Variants in BCAS3 observed in about 807,000 individuals in gnomAD.
BCAS3 encodes BCAS3 microtubule associated cell migration factor, also known as BCAS4/BCAS3 fusion.
BCAS3 carries 53 observed loss-of-function variants against 116.1 expected under a neutral mutation model. That is an observed-to-expected ratio of 0.46 (90% CI 0.37 to 0.57). The LOEUF is 0.57. BCAS3 is among the 20% of genes least tolerant of loss of function. BCAS3 has a pLI of 0.00. For synonymous variants in BCAS3, 391 were observed against 408.2 expected, an observed-to-expected ratio of 0.96 and a Z score of 0.51; for missense variants, 917 against 1,165.4, an observed-to-expected ratio of 0.79 and a Z score of 3.10.
rs980951985 is a variant in BCAS3, at chr17:61,214,764, C to A, written c.2425+130200C>A. Among the ~76,000 whole-genome samples, 5 of 152,160 alleles carry A rather than the reference C, an allele frequency of 3.3e-5. No individual in the cohort carries two copies. Among genetic ancestry groups the A allele is most frequent in the African/African-American group, 7.2e-5 (3 of 41,442 alleles). On this transcript the variant is annotated intron_variant, in intron 22 of 23. Coordinates refer to ENST00000407086, the MANE Select transcript of BCAS3 (RefSeq NM_017679.5). The surrounding 1 kb of genome is among the most constrained non-coding windows in gnomAD (Gnocchi z 4.4). ...TATAGGGATATTTTGATGGACTGTT[C>A]TTTGGAATTAACAGGTCCACAAGCC...
intron 22 of BCAS3, chr17:61,353,938 C>T (rs369453461): frequency 6.6e-6 from 1 of 152,296 alleles, no homozygotes; most frequent in Non-Finnish European, 1.5e-5. Context: ...ACCTCCACCC[C>T]CTTAGGCTGC....
chr17:61,322,858 G>GAGAGAGAGAC, intron 22 of BCAS3, among the ~76,000 whole-genome samples: 1 of 134,202 alleles, frequency 7.5e-6, no homozygotes, highest in African/African-American at 2.9e-5. Flanking sequence ...GAGAGAGACA[G>GAGAGAGAGAC]AGAGAGAGAG....
rs546065147 is a variant in BCAS3 at position 61,050,892 on chromosome 17, C to T, written c.2029+10000C>T. ...AATCTTCTCGGCTCTAAAACAAATC[C>T]CAGTAAATTTAAAAGGTTTCAAGTC... On this transcript the variant is annotated intron_variant, in intron 19 of 23. Coordinates refer to ENST00000407086, the MANE Select transcript of BCAS3 (RefSeq NM_017679.5). Among the ~76,000 whole-genome samples the T allele has an allele frequency of 2.6e-5, 4 of 151,948 alleles. No homozygotes were observed. In the South Asian group the frequency reaches 8.3e-4, roughly 32 times the overall value.
intron 22 of BCAS3, among the ~76,000 whole-genome samples, chr17:61,359,055 G>A (rs758472278): frequency 6.6e-6 from 1 of 152,092 alleles, no homozygotes; most frequent in East Asian, 1.9e-4. Context: ...CTCACCATAC[G>A]CTTTCACTCC....
In BCAS3 at chr17:61,134,711, C is replaced by T. The variant is rs2076526579; in HGVS notation, c.2425+50147C>T. Among the ~76,000 whole-genome samples, 1 of 152,090 alleles carries T rather than the reference C, an allele frequency of 6.6e-6. No homozygotes were observed. The highest frequency in any genetic ancestry group is 6.5e-5 in the Admixed American group (1 of 15,268). ...ATTATGTAATTATATTTACAAACAC[C>T]TCATTTAACCTTCAAAACAATCCTT... is the stretch of plus-strand genomic sequence containing the variant. On this transcript the variant is annotated intron_variant, in intron 22 of 23. Transcript: ENST00000407086. This position sits in a 1 kb window ranked among gnomAD's most constrained non-coding sequence, Gnocchi z 4.6.
At chr17:61,232,665 GA>G (rs983788496) in intron 22 of BCAS3, among the ~76,000 whole-genome samples, 11 of 151,688 alleles carry the variant, frequency 7.3e-5, no homozygotes, top group Non-Finnish European at 1.3e-4. Context: ...TTCTTAAGAG[GA>G]AAAAAAATCA....
chr17:61,152,825 C>A (rs183166992), intron 22 of BCAS3, among the ~76,000 whole-genome samples: 91 of 152,220 alleles, frequency 6.0e-4, no homozygotes, highest in Non-Finnish European at 9.3e-4. Context: ...GAAAGATGTG[C>A]TTACCCCAAC....
In BCAS3 at chr17:60,930,608, A is replaced by T. The variant is rs531593178; in HGVS notation, c.1087+6108A>T. On this transcript the variant is annotated intron_variant, in intron 13 of 23. Coordinates refer to ENST00000407086, the MANE Select transcript of BCAS3 (RefSeq NM_017679.5). Reference sequence around the variant, plus strand: ...GTAGCTGGGATTACAGGTGTGCGCCACTGCACCCAGCTAATTTTTGTATTT... The same window carrying T: ...GTAGCTGGGATTACAGGTGTGCGCCTCTGCACCCAGCTAATTTTTGTATTT... 4.6e-5 allele frequency among the ~76,000 whole-genome samples: 7 copies of T among 152,198 alleles called. No homozygotes were observed. The South Asian group carries it at 1.5e-3, about 32-fold the overall frequency.
At chr17:60,985,303 G>A (rs1416381748) in intron 14 of BCAS3, among the ~76,000 whole-genome samples, 1 of 151,552 alleles carries the variant, frequency 6.6e-6, no homozygotes, top group Non-Finnish European at 1.5e-5. Context: ...GCGCCACTAT[G>A]CCTGGCTAAT....
Position 61,106,303 on chromosome 17 carries a change from A to G in BCAS3, c.2425+21739A>G, listed in dbSNP as rs1206108202. ...TTATATGCTCGTGCAACAGTGTTCCAGTAAAATTATAATACCAGATTTTTA... is the reference window on the plus strand; with the variant it reads ...TTATATGCTCGTGCAACAGTGTTCCGGTAAAATTATAATACCAGATTTTTA... On this transcript the variant is annotated intron_variant, in intron 22 of 23. Transcript: ENST00000407086. The surrounding 1 kb of genome is among the most constrained non-coding windows in gnomAD (Gnocchi z 4.2). Among the ~76,000 whole-genome samples the G allele has an allele frequency of 2.0e-5, 3 of 152,240 alleles. No individual in the cohort carries two copies. Among genetic ancestry groups the G allele is most frequent in the African/African-American group, 4.8e-5 (2 of 41,468 alleles).
rs36055285 is a variant in BCAS3, at chr17:60,990,165, G to A, written c.1416G>A (p.Thr472=). 0.012 allele frequency: 19,427 copies of A among 1,614,172 alleles called. 169 individuals carry two copies. Among genetic ancestry groups the A allele is most frequent in the Non-Finnish European group, 0.014 (16,341 of 1,180,028 alleles). The change falls in exon 15 of 24, where the codon ACG becomes ACA. Residue 472 remains threonine, a synonymous_variant. Coordinates refer to ENST00000407086, the MANE Select transcript of BCAS3 (RefSeq NM_017679.5). The surrounding 1 kb of genome is among the most constrained non-coding windows in gnomAD (Gnocchi z 5.1). ...AGLEEIEQEL[T]SKQGGRCSPV... Reference sequence around the variant, plus strand: ...TGGAAGAGATTGAACAAGAACTGACGTCTAAGCAAGGAGGTCGCTGTAGCC... The same window carrying A: ...TGGAAGAGATTGAACAAGAACTGACATCTAAGCAAGGAGGTCGCTGTAGCC...
chr17:60,704,837 CA>C (rs34195685), intron 4 of BCAS3, among the ~76,000 whole-genome samples: 124,472 of 142,362 alleles, frequency 0.87, 56,119 homozygotes, highest in Non-Finnish European at 0.99. Flanking sequence ...GACTCAGTCT[CA>C]AAAAAAAAAA....
At chr17:61,107,734 G>C (rs553440911) in intron 22 of BCAS3, among the ~76,000 whole-genome samples, 2 of 152,102 alleles carry the variant, frequency 1.3e-5, no homozygotes, top group Non-Finnish European at 2.9e-5. Flanking sequence ...TATGGATGTC[G>C]CACAGTTTAG....
rs1010171852 is a variant in BCAS3, at chr17:60,771,626, T to C, written c.403+24347T>C. Among the ~76,000 whole-genome samples the C allele has an allele frequency of 7.4e-4, 112 of 152,142 alleles. 3 individuals carry two copies. The highest frequency in any genetic ancestry group is 2.1e-4 in the Non-Finnish European group (14 of 68,040). ...TGCAGGTTTGTTACATATGTATACA[T>C]GTGCCATGTTGGTGTGCTGCACCCA... On this transcript the variant is annotated intron_variant, in intron 6 of 23. Coordinates refer to ENST00000407086, the MANE Select transcript of BCAS3 (RefSeq NM_017679.5).
intron 14 of BCAS3, among the ~76,000 whole-genome samples, chr17:60,966,005 A>G (rs951688853): frequency 6.6e-6 from 1 of 152,122 alleles, no homozygotes; most frequent in Non-Finnish European, 1.5e-5. Flanking sequence ...TATAGACTTG[A>G]GATGTCCAGT....
chr17:61,264,851 A>G (rs1222672111), intron 22 of BCAS3, among the ~76,000 whole-genome samples: 1 of 152,154 alleles, frequency 6.6e-6, no homozygotes, highest in Non-Finnish European at 1.5e-5. Context: ...AATATCTCAT[A>G]CCTTTCAAAC....
chr17:61,164,721 T>G lies in BCAS3; in HGVS notation c.2425+80157T>G, dbSNP rs558608844. ...GAGCCTGGTGTCATGCGCTTGGACT[T>G]CCCAGCCTCCAAAACTGAGCCAAAT... On this transcript the variant is annotated intron_variant, in intron 22 of 23. Transcript: ENST00000407086. Among the ~76,000 whole-genome samples the G allele has an allele frequency of 1.1e-3, 164 of 152,294 alleles. 1 individual carries two copies. The highest frequency in any genetic ancestry group is 3.8e-3 in the African/African-American group (157 of 41,566).
At chr17:60,985,835 C>T (rs2063110603) in intron 14 of BCAS3, among the ~76,000 whole-genome samples, 1 of 152,216 alleles carries the variant, frequency 6.6e-6, no homozygotes, top group African/African-American at 2.4e-5. Flanking sequence ...CTCCTGGGTT[C>T]AAGAGTTTCT....
chr17:60,928,089 T>A (rs2059455815), intron 13 of BCAS3, among the ~76,000 whole-genome samples: 1 of 152,188 alleles, frequency 6.6e-6, no homozygotes, highest in South Asian at 2.1e-4. Flanking sequence ...CACTAGTGAC[T>A]CTATTCACCT....
Sources: allele counts gnomAD v4.1 joint callset (sites outside exome capture counted in the v4.1 genomes callset), GRCh38; gene constraint gnomAD v4.1.1; non-coding constraint Gnocchi (gnomAD v3.1); transcripts MANE v1.5; gene names NCBI Gene and HGNC (gene_info 2026-07-23, HGNC 2026-07-21).